Variants in SLC35F3 observed in about 807,000 individuals in gnomAD.
The protein encoded by SLC35F3 is putative thiamine transporter SLC35F3.
A neutral mutation model predicts 49.9 loss-of-function variants in SLC35F3; 25 were observed. That is an observed-to-expected ratio of 0.50 (90% CI 0.37 to 0.70). SLC35F3 has a LOEUF of 0.70. Among genes scored for constraint, SLC35F3 ranks in the 30% least tolerant of loss-of-function variants. The probability of loss-of-function intolerance (pLI) is 0.00; values close to 1 mark genes in which losing one functional copy is unlikely to be tolerated. For missense variants in SLC35F3, 525 were observed against 639.8 expected, an observed-to-expected ratio of 0.82 and a Z score of 1.94; for synonymous variants, 275 against 265.4, an observed-to-expected ratio of 1.04 and a Z score of -0.35.
intron 2 of SLC35F3, among the ~76,000 whole-genome samples, chr1:234,029,086 C>T (rs1664019937): frequency 6.6e-6 from 1 of 152,164 alleles, no homozygotes; most frequent in Admixed American, 6.5e-5. Context: ...CTGTTTCTTT[C>T]ATTCGAAAAA....
intron 2 of SLC35F3, among the ~76,000 whole-genome samples, chr1:234,059,593 A>G (rs1231369133): frequency 6.6e-6 from 1 of 152,094 alleles, no homozygotes; most frequent in Non-Finnish European, 1.5e-5. Context: ...AGCTAGAGCT[A>G]GAGCTAGAGA....
intron 2 of SLC35F3, among the ~76,000 whole-genome samples, chr1:233,931,345 C>G (rs943027965): frequency 6.6e-6 from 1 of 152,164 alleles, no homozygotes; most frequent in Non-Finnish European, 1.5e-5. Context: ...TCAGAGTGAA[C>G]AGGCAACCTA....
chr1:234,244,580 A>G (rs1667602000), intron 3 of SLC35F3, among the ~76,000 whole-genome samples: 2 of 152,274 alleles, frequency 1.3e-5, no homozygotes, highest in South Asian at 4.1e-4. Context: ...CCCTTGAATG[A>G]CAAAGTAAGT....
chr1:233,954,689 C>T (rs1165570250), intron 2 of SLC35F3, among the ~76,000 whole-genome samples: 1 of 151,978 alleles, frequency 6.6e-6, no homozygotes, highest in African/African-American at 2.4e-5. Flanking sequence ...CTTCCCTTTT[C>T]CCCCCTGCTG....
intron 2 of SLC35F3, among the ~76,000 whole-genome samples, chr1:234,009,786 T>C (rs1663686295): frequency 6.6e-6 from 1 of 152,168 alleles, no homozygotes; most frequent in Non-Finnish European, 1.5e-5. Flanking sequence ...TGAATCCCAA[T>C]ATGACTATCA....
At chr1:234,210,366 T>C (rs1421480046) in intron 2 of SLC35F3, among the ~76,000 whole-genome samples, 1 of 152,190 alleles carries the variant, frequency 6.6e-6, no homozygotes, top group East Asian at 1.9e-4. Flanking sequence ...TGGAAGTGAC[T>C]TTGAAACTGA....
chr1:234,100,252 T>C (rs1168197132), intron 2 of SLC35F3, among the ~76,000 whole-genome samples: 2 of 152,230 alleles, frequency 1.3e-5, no homozygotes, highest in Non-Finnish European at 2.9e-5. Context: ...ATGAAACCTT[T>C]GTGGAAAGAA....
intron 2 of SLC35F3, among the ~76,000 whole-genome samples, chr1:233,940,506 C>T (rs1662403215): frequency 6.6e-6 from 1 of 152,170 alleles, no homozygotes; most frequent in Non-Finnish European, 1.5e-5. Context: ...AAAGTATGTG[C>T]ACTTTGCCAC....
At chr1:233,983,045 C>T (rs1349565147) in intron 2 of SLC35F3, among the ~76,000 whole-genome samples, 1 of 152,164 alleles carries the variant, frequency 6.6e-6, no homozygotes, top group African/African-American at 2.4e-5. Context: ...TGTAGCTCTC[C>T]ACGTGGCTGC....
At chr1:233,931,551 A>G (rs1213501332) in intron 2 of SLC35F3, among the ~76,000 whole-genome samples, 1 of 152,270 alleles carries the variant, frequency 6.6e-6, no homozygotes. Flanking sequence ...AATGCTCATC[A>G]TCACTGGTCA....
intron 3 of SLC35F3, chr1:234,285,364 C>T (rs1668403185): frequency 8.4e-6 from 4 of 478,246 alleles, no homozygotes; most frequent in Admixed American, 6.5e-5. Flanking sequence ...CCAGGTGTTG[C>T]TTGTTCAGTA....
chr1:234,177,667 G>T (rs545530101), intron 2 of SLC35F3, among the ~76,000 whole-genome samples: 1 of 152,290 alleles, frequency 6.6e-6, no homozygotes, highest in East Asian at 1.9e-4. Flanking sequence ...TAGTTATGGG[G>T]TACTGTTTAA....
At chr1:233,975,416 G>A (rs967182484) in intron 2 of SLC35F3, among the ~76,000 whole-genome samples, 4 of 152,212 alleles carry the variant, frequency 2.6e-5, no homozygotes, top group Non-Finnish European at 4.4e-5. Context: ...CCATAACTGC[G>A]GAATACCTTT....
At position 234,244,783 on chromosome 1, in the gene SLC35F3, G is replaced by A. The variant is rs112981777; in HGVS notation, c.608+13042G>A. Among the ~76,000 whole-genome samples, 1,035 of 152,218 alleles carry A rather than the reference G, an allele frequency of 6.8e-3. 9 individuals carry two copies. The highest frequency in any genetic ancestry group is 0.023 in the African/African-American group (969 of 41,520). ...TTCACAAGTTCCTAAAGCTCACTGA[G>A]TCCTGGAAGAGAAGAATTTAGAGGA... On this transcript the variant is annotated intron_variant, in intron 3 of 7. Coordinates refer to ENST00000366618, the MANE Select transcript of SLC35F3 (RefSeq NM_173508.4).
intron 2 of SLC35F3, among the ~76,000 whole-genome samples, chr1:234,223,379 AC>A (rs1343982934): frequency 1.3e-5 from 2 of 151,920 alleles, no homozygotes; most frequent in Admixed American, 6.6e-5. Context: ...AGCCTCCACC[AC>A]CCCATTCCAG....
intron 2 of SLC35F3, among the ~76,000 whole-genome samples, chr1:234,126,203 C>T (rs1665644907): frequency 6.6e-6 from 1 of 152,198 alleles, no homozygotes; most frequent in Non-Finnish European, 1.5e-5. Context: ...TCTCTCTCTA[C>T]CCAAGCCACT....
chr1:234,250,498 C>CA (rs1193406510), intron 3 of SLC35F3, among the ~76,000 whole-genome samples: 6 of 151,520 alleles, frequency 4.0e-5, no homozygotes, highest in South Asian at 4.2e-4. Flanking sequence ...ACTAAAAATA[C>CA]AAAAAATTAG....
intron 2 of SLC35F3, among the ~76,000 whole-genome samples, chr1:234,138,743 G>A (rs371862672): frequency 9.2e-5 from 14 of 152,254 alleles, no homozygotes; most frequent in African/African-American, 3.4e-4. Context: ...ATAGAGATGG[G>A]TGTCACTATG....
In SLC35F3 at chr1:233,905,414, G is replaced by A. The variant is rs373330928; in HGVS notation, c.54-115G>A. The stretch of plus-strand genomic sequence containing the variant: ...GGGCTCTGCCGCGGCGCTCGCCCCC[G>A]GAGGGCCCCGGCCGCGCTCTTGCTC... On this transcript the variant is annotated intron_variant, in intron 1 of 7. Coordinates refer to ENST00000366618, the MANE Select transcript of SLC35F3 (RefSeq NM_173508.4). 4.8e-6 allele frequency: 4 copies of A among 832,600 alleles called. No homozygotes were observed. The African/African-American group carries it at 5.1e-5, about 11-fold the overall frequency. 51.6% of individuals were successfully genotyped at this position (832,600 alleles called of 1,614,324 possible).
Sources: gnomAD v4.1 joint callset for allele counts (sites outside exome capture counted in the v4.1 genomes callset) on GRCh38, gnomAD v4.1.1 for gene constraint, MANE v1.5 for transcripts, NCBI Gene and HGNC (gene_info 2026-07-23, HGNC 2026-07-21) for gene names.